MAP3K12: variants seen among roughly 807,000 people sequenced by gnomAD.
The protein encoded by MAP3K12 is mitogen-activated protein kinase kinase kinase 12.
In MAP3K12, 14 loss-of-function variants were observed where a neutral mutation model predicts 87.5. The ratio of observed to expected loss-of-function variants is 0.16; its 90% CI spans 0.11 to 0.25. The LOEUF is 0.25. MAP3K12 is among the 10% of genes least tolerant of loss of function. The pLI is 1.00. For synonymous variants in MAP3K12, 469 were observed against 452.5 expected (o/e 1.04, Z -0.46); for missense variants, 802 against 1,140.4 (o/e 0.70, Z 4.27).
chr12:53,495,415 C>G (rs1381754000), intron 1 of MAP3K12, among the ~76,000 whole-genome samples: 1 of 147,736 alleles, frequency 6.8e-6, no homozygotes, highest in Non-Finnish European at 1.5e-5. Flanking sequence ...TGGAGACCAT[C>G]CTGGCTAACA....
At chr12:53,498,908 C>G (rs959666723) in intron 1 of MAP3K12, among the ~76,000 whole-genome samples, 22 of 108,438 alleles carry the variant, frequency 2.0e-4, no homozygotes, top group African/African-American at 7.9e-4. Context: ...GTCCAGCCTG[C>G]TGTGTGTGTG....
At chr12:53,500,681 G>T (rs784567), upstream of MAP3K12, 1 of 152,308 alleles carries the variant, frequency 6.6e-6, no homozygotes, top group African/African-American at 2.4e-5. Flanking sequence ...AACAGAGATC[G>T]GTCCCCTCCG....
chr12:53,497,526 G>A (rs1248123367), intron 1 of MAP3K12, among the ~76,000 whole-genome samples: 1 of 152,096 alleles, frequency 6.6e-6, no homozygotes, highest in Non-Finnish European at 1.5e-5. Context: ...AGTCCTTCTG[G>A]GAGCCAATGA....
chr12:53,491,299 A>AAAAAAAAG (rs1943394309), intron 1 of MAP3K12, among the ~76,000 whole-genome samples: 2 of 148,648 alleles, frequency 1.3e-5, no homozygotes, highest in Admixed American at 6.7e-5. Context: ...AAAAAAAAAA[A>AAAAAAAAG]AAAAAAGAAA....
chr12:53,481,859 T>C, intron 13 of MAP3K12, 82 bp downstream of exon 13: 2 of 1,522,546 alleles, frequency 1.3e-6, no homozygotes, highest in African/African-American at 2.7e-5. Flanking sequence ...TGCAGCTGTC[T>C]CCCCAAAAGC....
At position 53,482,456 on chromosome 12, in the gene MAP3K12, G is replaced by A. The variant is rs1943087855; in HGVS notation, c.2239-87C>T. 4.4e-6 allele frequency: 7 copies of A among 1,605,786 alleles called. No individual in the cohort carries two copies. In the South Asian group the frequency reaches 7.7e-5, roughly 18 times the overall value. Reference sequence around the variant, plus strand: ...AGGAGAAGGGAACATAGTTACGAAGGGTGAAGTAGGGAATGGCTTAAAATT... The same window carrying A: ...AGGAGAAGGGAACATAGTTACGAAGAGTGAAGTAGGGAATGGCTTAAAATT... On this transcript the variant is annotated intron_variant, in intron 11 of 13. Coordinates refer to ENST00000547488, the MANE Select transcript of MAP3K12 (RefSeq NM_001193511.2).
At chr12:53,484,066 A>G in intron 7 of MAP3K12, 46 bp from the exon 8 acceptor site, 2 of 1,571,802 alleles carry the variant, frequency 1.3e-6, no homozygotes, top group South Asian at 2.2e-5. Flanking sequence ...CCCTTCACCC[A>G]GTGAAAGGCT....
Position 53,485,264 on chromosome 12 carries a change from A to G in MAP3K12, c.981-50T>C, listed in dbSNP as rs371878386. ...TGCTCAAGCCCTAGAAGTTGCCCACAATCCCCCCAGGGCTGGCCACCCACT... is the reference window on the plus strand; with the variant it reads ...TGCTCAAGCCCTAGAAGTTGCCCACGATCCCCCCAGGGCTGGCCACCCACT... On this transcript the variant is annotated intron_variant, in intron 5 of 13. Transcript: ENST00000547488. The G allele has an allele frequency of 1.8e-3, 2,835 of 1,601,534 alleles. 5 individuals are homozygous for G. The highest frequency in any genetic ancestry group is 2.3e-3 in the Non-Finnish European group (2,638 of 1,172,274).
At chr12:53,487,807 T>G (rs1276987662) in intron 1 of MAP3K12, 1 of 172,710 alleles carries the variant, frequency 5.8e-6, no homozygotes, top group African/African-American at 2.4e-5. Flanking sequence ...GCACATTTTT[T>G]TCACCCGAGA....
In MAP3K12 at chr12:53,483,011, C is replaced by A; in HGVS notation, c.1792G>T (p.Ala598Ser). 1 of 1,563,712 alleles carries A rather than the reference C, an allele frequency of 6.4e-7. No homozygotes were observed. Among genetic ancestry groups the A allele is most frequent in the South Asian group, 1.2e-5 (1 of 84,490 alleles). The change falls in exon 11 of 14, where the codon GCT (alanine) becomes TCT (serine). Residue 598 changes from alanine (A) to serine (S), a missense_variant. Ala to Ser is a moderately conservative substitution (Grantham distance 99). Transcript: ENST00000547488. The part of the protein sequence containing the change: ...SCGDLPGLRT[A>S]VPPHEPGGPG... ...CCTCCAGGTTCATGGGGTGGCACAG[C>A]TGTACGAAGCCCAGGCAGGTCCCCA...
chr12:53,487,633 C>T, intron 1 of MAP3K12: 1 of 526,358 alleles, frequency 1.9e-6, no homozygotes, highest in Non-Finnish European at 3.4e-6. Flanking sequence ...TCCTCTCAGG[C>T]ATGTTAGTAA....
At position 53,486,850 on chromosome 12, in the gene MAP3K12, G is replaced by C; in HGVS notation, c.445+97C>G. ...GCTAAGGGACTAGGGCTGGGCCATGGGGAGGGAAGGGACCATTGCGTGACT... is the reference window on the plus strand; with the variant it reads ...GCTAAGGGACTAGGGCTGGGCCATGCGGAGGGAAGGGACCATTGCGTGACT... On this transcript the variant is annotated intron_variant, in intron 2 of 13. Transcript: ENST00000547488. The surrounding 1 kb of genome is among the most constrained non-coding windows in gnomAD (Gnocchi z 4.9). The C allele has an allele frequency of 6.4e-7, 1 of 1,560,790 alleles. No homozygotes were observed. Among genetic ancestry groups the C allele is most frequent in the South Asian group, 1.2e-5 (1 of 81,320 alleles).
Position 53,483,374 on chromosome 12 carries a change from G to T in MAP3K12, c.1588C>A (p.Gln530Lys). 1.9e-6 allele frequency: 3 copies of T among 1,614,154 alleles called. No homozygotes were observed. The highest frequency in any genetic ancestry group is 8.5e-7 in the Non-Finnish European group (1 of 1,180,022). Residue 530 changes from glutamine (Q) to lysine (K), a missense_variant, in exon 10 of 14, where the codon CAG (glutamine) becomes AAG (lysine). By Grantham distance (53) the Gln-to-Lys change is moderately conservative (BLOSUM62 1). Around this residue, in one of 5 missense-constraint regions of MAP3K12, gnomAD observed 490 missense variants for 496.6 expected, o/e 0.99. Transcript: ENST00000547488. ...CTTTTGCTATGGGGTGACAGCTTCT[G>T]TGGCACATTCCTCTTCTTGATAAGC... Reference protein sequence around the residue: ...EKLIKKRNVPQKLSPHSKRPD... With the variant: ...EKLIKKRNVPKKLSPHSKRPD...
intron 1 of MAP3K12, among the ~76,000 whole-genome samples, chr12:53,488,537 T>C (rs938421808): frequency 3.3e-5 from 5 of 152,178 alleles, no homozygotes; most frequent in African/African-American, 1.2e-4. Context: ...GGCACATGCC[T>C]GTAATCCCAG....
At chr12:53,488,918 TAAAAAG>T (rs200018950) in intron 1 of MAP3K12, among the ~76,000 whole-genome samples, 17,880 of 144,320 alleles carry the variant, frequency 0.12, 1,262 homozygotes, top group Admixed American at 0.21. Flanking sequence ...TGTCTCTACT[TAAAAAG>T]AAAAAATTAG....
chr12:53,495,712 TCAGGATCCGCAGTCCTGGCCC>T (rs1325451572), intron 1 of MAP3K12, among the ~76,000 whole-genome samples: 1 of 152,104 alleles, frequency 6.6e-6, no homozygotes, highest in Non-Finnish European at 1.5e-5. Flanking sequence ...TTTCCATTTT[TCAGGATCCGCAGTCCTGGCCC>T]CAGGATCCCA....
intron 4 of MAP3K12, chr12:53,485,821 GTTGGGATTA>G (rs1364363582): frequency 1.8e-6 from 1 of 549,624 alleles, no homozygotes; most frequent in African/African-American, 1.9e-5. Context: ...CTCCCAAAGT[GTTGGGATTA>G]CAGGCGTGAG....
At chr12:53,487,526 A>C in intron 1 of MAP3K12, 98 bp from the exon 2 acceptor site, 1 of 1,228,826 alleles carries the variant, frequency 8.1e-7, no homozygotes, top group Non-Finnish European at 1.1e-6. Flanking sequence ...TGCTGGGTTC[A>C]CAGTAGCCCC....
intron 7 of MAP3K12, 26 bp from the exon 8 acceptor site, chr12:53,484,046 T>A (rs1479404848): frequency 6.2e-7 from 1 of 1,600,834 alleles, no homozygotes; most frequent in East Asian, 2.2e-5. Flanking sequence ...AGATGAAGAG[T>A]GAGAGCCATC....
Sources: allele counts gnomAD v4.1 joint callset (sites outside exome capture counted in the v4.1 genomes callset), GRCh38; gene constraint gnomAD v4.1.1; regional missense constraint gnomAD v4.1.1; non-coding constraint Gnocchi (gnomAD v3.1); transcripts MANE v1.5; gene names NCBI Gene and HGNC (gene_info 2026-07-23, HGNC 2026-07-21).